SOBP: variants seen among roughly 807,000 people sequenced by gnomAD.
SOBP encodes the protein sine oculis binding protein homolog.
Under a neutral mutation model 53.6 loss-of-function variants are expected in SOBP, and 4 were observed. The observed-to-expected ratio is 0.07, with a 90% CI of 0.04 to 0.17. The LOEUF (loss-of-function observed/expected upper bound fraction) is 0.17. SOBP is among the 10% of genes least tolerant of loss of function. SOBP has a pLI of 1.00. For missense variants in SOBP, 1,088 were observed against 1,204.7 expected, an observed-to-expected ratio of 0.90 and a Z score of 1.43; for synonymous variants, 584 against 522.6, an observed-to-expected ratio of 1.12 and a Z score of -1.60.
chr6:107,646,474 G>A (rs567690835), intron 6 of SOBP, among the ~76,000 whole-genome samples: 2 of 152,344 alleles, frequency 1.3e-5, no homozygotes, highest in South Asian at 2.1e-4. Flanking sequence ...GCTGTTTCAT[G>A]CATGCACAGA....
chr6:107,607,144 TC>T (rs1786414818), intron 5 of SOBP, among the ~76,000 whole-genome samples: 1 of 152,184 alleles, frequency 6.6e-6, no homozygotes, highest in South Asian at 2.1e-4. Context: ...TTTTAAATGT[TC>T]CGCCTGTTGT....
At chr6:107,563,963 G>A (rs1412216031) in intron 4 of SOBP, among the ~76,000 whole-genome samples, 1 of 152,138 alleles carries the variant, frequency 6.6e-6, no homozygotes, top group Non-Finnish European at 1.5e-5. Flanking sequence ...CCAAAGGCAG[G>A]AACTAGTATC....
intron 6 of SOBP, among the ~76,000 whole-genome samples, chr6:107,655,393 C>A (rs760088937): frequency 3.3e-5 from 5 of 152,110 alleles, no homozygotes; most frequent in African/African-American, 4.8e-5. Context: ...ATGAGGATGC[C>A]TTCAATACCG....
At chr6:107,609,856 A>C (rs1296017047) in intron 5 of SOBP, among the ~76,000 whole-genome samples, 1 of 152,130 alleles carries the variant, frequency 6.6e-6, no homozygotes, top group Non-Finnish European at 1.5e-5. Flanking sequence ...TCACGATCTT[A>C]AAGTGCTACC....
At chr6:107,551,758 T>C (rs553534932) in intron 4 of SOBP, among the ~76,000 whole-genome samples, 3 of 152,190 alleles carry the variant, frequency 2.0e-5, no homozygotes, top group Non-Finnish European at 4.4e-5. Flanking sequence ...CAGTGGCTCA[T>C]GCCTGTAATC....
At position 107,634,353 on chromosome 6, in the gene SOBP, G is replaced by A. The variant is rs749891372; in HGVS notation, c.1509G>A (p.Val503=). 3.1e-6 allele frequency: 5 copies of A among 1,591,580 alleles called. No homozygotes were observed. Among genetic ancestry groups the A allele is most frequent in the Non-Finnish European group, 4.3e-6 (5 of 1,175,902 alleles). ...VSMMPNGPMP[V]PQMMNFGLPS... ...TGATGCCAAATGGCCCGATGCCGGT[G>A]CCCCAGATGATGAATTTCGGGCTGC... Residue 503 remains valine, a synonymous_variant, in exon 6 of 7, where the codon GTG becomes GTA. Transcript: ENST00000317357. This position sits in a 1 kb window ranked among gnomAD's most constrained non-coding sequence, Gnocchi z 4.5.
chr6:107,588,628 G>A (rs1265846286), intron 5 of SOBP, among the ~76,000 whole-genome samples: 1 of 152,146 alleles, frequency 6.6e-6, no homozygotes, highest in Non-Finnish European at 1.5e-5. Flanking sequence ...CTTCTTTTTA[G>A]AGAAATTTGC....
intron 3 of SOBP, among the ~76,000 whole-genome samples, chr6:107,521,828 A>G (rs1285488344): frequency 6.6e-6 from 1 of 151,828 alleles, no homozygotes; most frequent in African/African-American, 2.4e-5. Context: ...GTCCCAGGTC[A>G]GACATTTTAT....
intron 5 of SOBP, among the ~76,000 whole-genome samples, chr6:107,631,546 G>A (rs1770716043): frequency 6.6e-6 from 1 of 152,182 alleles, no homozygotes; most frequent in Admixed American, 6.5e-5. Context: ...GATGGATTCT[G>A]TGGGTCTCTT....
intron 4 of SOBP, among the ~76,000 whole-genome samples, chr6:107,581,235 G>A (rs1562630349): frequency 6.6e-6 from 1 of 152,196 alleles, no homozygotes; most frequent in Non-Finnish European, 1.5e-5. Context: ...GGACCAGGAG[G>A]AAGAGTCACT....
At chr6:107,533,133 G>C (rs1783881163) in intron 3 of SOBP, among the ~76,000 whole-genome samples, 1 of 149,738 alleles carries the variant, frequency 6.7e-6, no homozygotes, top group African/African-American at 2.5e-5. Context: ...AGCTTCGTTA[G>C]TGCTGGGGCT....
At chr6:107,564,178 AGGCT>A (rs1199038704) in intron 4 of SOBP, among the ~76,000 whole-genome samples, 1 of 152,180 alleles carries the variant, frequency 6.6e-6, no homozygotes, top group Admixed American at 6.5e-5. Flanking sequence ...TGTGAGCTGT[AGGCT>A]GGCTGCCCAC....
At chr6:107,559,363 G>C (rs1784710701) in intron 4 of SOBP, among the ~76,000 whole-genome samples, 1 of 152,064 alleles carries the variant, frequency 6.6e-6, no homozygotes, top group African/African-American at 2.4e-5. Context: ...ACAAGTAAAG[G>C]CTACACTAGT....
chr6:107,490,807 C>T, intron 1 of SOBP, 95 bp downstream of exon 1: 1 of 955,454 alleles, frequency 1.0e-6, no homozygotes, highest in South Asian at 1.4e-5. Flanking sequence ...CCGGGGCGCG[C>T]TTGTCAGTTT....
intron 4 of SOBP, among the ~76,000 whole-genome samples, chr6:107,546,282 A>G (rs1347158424): frequency 1.3e-5 from 2 of 152,204 alleles, no homozygotes; most frequent in Non-Finnish European, 2.9e-5. Flanking sequence ...TCAATCTGTG[A>G]TGTAGAGCAG....
chr6:107,598,235 G>A (rs1786020750), intron 5 of SOBP, among the ~76,000 whole-genome samples: 1 of 152,190 alleles, frequency 6.6e-6, no homozygotes, highest in South Asian at 2.1e-4. Flanking sequence ...GTATAATAAA[G>A]TGCCAGATGG....
intron 4 of SOBP, among the ~76,000 whole-genome samples, chr6:107,584,827 A>G (rs944881693): frequency 2.6e-5 from 4 of 152,134 alleles, no homozygotes; most frequent in Middle Eastern, 6.8e-3. Context: ...CAAAAAAAAC[A>G]TTGTGTGCAC....
chr6:107,644,397 G>A (rs983211379), intron 6 of SOBP, among the ~76,000 whole-genome samples: 5 of 152,204 alleles, frequency 3.3e-5, no homozygotes, highest in African/African-American at 1.2e-4. Flanking sequence ...CCTCTGAAAT[G>A]TCTTAGGGAC....
At chr6:107,592,963 T>C (rs746293725) in intron 5 of SOBP, among the ~76,000 whole-genome samples, 1 of 152,248 alleles carries the variant, frequency 6.6e-6, no homozygotes, top group Non-Finnish European at 1.5e-5. Context: ...CAAGACCATC[T>C]AGACTTTAAT....
Sources: gnomAD v4.1 joint callset for allele counts (sites outside exome capture counted in the v4.1 genomes callset) on GRCh38, gnomAD v4.1.1 for gene constraint, Gnocchi (gnomAD v3.1) non-coding constraint, MANE v1.5 for transcripts, NCBI Gene and HGNC (gene_info 2026-07-23, HGNC 2026-07-21) for gene names.